MAPKBP1: variants seen among roughly 807,000 people sequenced by gnomAD.
The protein encoded by MAPKBP1 is mitogen-activated protein kinase binding protein 1, also known as mitogen-activated protein kinase-binding protein 1.
In MAPKBP1, 71 loss-of-function variants were observed where a neutral mutation model predicts 170.5. The observed-to-expected ratio is 0.42, with a 90% confidence interval of 0.34 to 0.51. The LOEUF (loss-of-function observed/expected upper bound fraction) is 0.51, where lower values mean the gene tolerates loss of function less well. Ranked by LOEUF, MAPKBP1 falls within the 20% of genes least tolerant of loss-of-function variation. MAPKBP1 has a pLI of 0.06. For missense variants in MAPKBP1, 1,598 were observed against 1,933.0 expected (o/e 0.83, Z 3.25); for synonymous variants, 719 against 757.9 (o/e 0.95, Z 0.84).
In MAPKBP1 at chr15:41,823,879, G is replaced by C. The variant is rs201866696; in HGVS notation, c.4031G>C (p.Gly1344Ala). Residue 1344 changes from glycine (G) to alanine (A), a missense_variant, in exon 29 of 31, where the codon GGC becomes GCC. Physicochemically the swap from Gly to Ala is moderately conservative, Grantham distance 60. Transcript: ENST00000457542. ...GAGAGATGGGCCTGTTTGGGGGAGG[G>C]CACCACTCCCAAGCCTAGGACAGAG... ...TTERWACLGE[G>A]TTPKPRTECQ... 1.1e-5 allele frequency: 18 copies of C among 1,614,168 alleles called. No homozygotes were observed. The Admixed American group carries it at 3.0e-4, about 27-fold the overall frequency.
intron 2 of MAPKBP1, among the ~76,000 whole-genome samples, chr15:41,786,637 T>C (rs990787143): frequency 1.8e-4 from 27 of 149,662 alleles, no homozygotes; most frequent in Non-Finnish European, 3.3e-4. Context: ...TGGTGGCGGG[T>C]GCCCGTAGTC....
Position 41,812,649 on chromosome 15 carries a change from C to A in MAPKBP1, c.632C>A (p.Ser211Ter). Residue 211 changes from serine (S) to a stop codon, truncating the protein, a stop_gained, in exon 7 of 31, where the codon TCA becomes TAA. Coordinates refer to ENST00000457542, the MANE Select transcript of MAPKBP1 (RefSeq NM_014994.3). LOFTEE classifies it high-confidence loss of function. ...KFWYLDDSKTSKVNATVPLLG... is the reference protein window; with the variant it reads ...KFWYLDDSKT The stretch of plus-strand genomic sequence containing the variant: ...TGGTATCTCGATGACAGCAAGACCT[C>A]AAAGGTGAGGTGCTGAAGCTGGGAG... 1 of 1,600,036 alleles carries A rather than the reference C, an allele frequency of 6.2e-7. No homozygotes were observed. The highest frequency in any genetic ancestry group is 8.5e-7 in the Non-Finnish European group (1 of 1,171,918).
At chr15:41,801,019 G>GCCA (rs1462469861) in intron 3 of MAPKBP1, among the ~76,000 whole-genome samples, 7 of 152,216 alleles carry the variant, frequency 4.6e-5, no homozygotes, top group African/African-American at 1.7e-4. Flanking sequence ...ACAGGCGTGA[G>GCCA]CCACCACGCC....
At chr15:41,795,163 C>CAAAAAAAAAAAAAA (rs57214059) in intron 2 of MAPKBP1, among the ~76,000 whole-genome samples, 1 of 113,216 alleles carries the variant, frequency 8.8e-6, no homozygotes, top group African/African-American at 3.4e-5. Flanking sequence ...AACCCTGTCT[C>CAAAAAAAAAAAAAA]AAAAAAAAAA....
intron 2 of MAPKBP1, among the ~76,000 whole-genome samples, chr15:41,784,583 A>T (rs2064248814): frequency 6.6e-6 from 1 of 151,980 alleles, no homozygotes; most frequent in Non-Finnish European, 1.5e-5. Flanking sequence ...AGAGATCTAG[A>T]CCATCCTGGC....
Position 41,812,133 on chromosome 15 carries a change from T to TG in MAPKBP1, c.498+8dup. On this transcript the variant is annotated splice_region_variant and intron_variant, in intron 6 of 30. Transcript: ENST00000457542. ...TCAACGTGTGGGCCTGGAAGGTGAG[T>TG]GGCTGGGTGGGGTGGCCTGGCAGCC... 6.2e-7 allele frequency: 1 copy of TG among 1,613,744 alleles called. No individual in the cohort carries two copies. Among genetic ancestry groups the TG allele is most frequent in the Non-Finnish European group, 8.5e-7 (1 of 1,179,902 alleles).
At chr15:41,799,340 G>T (rs1379054329) in intron 2 of MAPKBP1, among the ~76,000 whole-genome samples, 1 of 152,118 alleles carries the variant, frequency 6.6e-6, no homozygotes, top group South Asian at 2.1e-4. Flanking sequence ...AGAATGCAAA[G>T]GTCAGGGATA....
chr15:41,817,649 C>A lies in MAPKBP1; in HGVS notation c.1818C>A (p.His606Gln). Residue 606 changes from histidine (H) to glutamine (Q), a missense_variant, in exon 16 of 31, where the codon CAC becomes CAA. Around this residue, in one of 6 missense-constraint regions of MAPKBP1, gnomAD observed 430 missense variants for 617.2 expected, o/e 0.70. Coordinates refer to ENST00000457542, the MANE Select transcript of MAPKBP1 (RefSeq NM_014994.3). This position sits in a 1 kb window ranked among gnomAD's most constrained non-coding sequence, Gnocchi z 4.2. The stretch of plus-strand genomic sequence containing the variant: ...GAGTGCAGTTCACACGGACACACCA[C>A]GTGGTGCGGAAGACGACCCTCTATG... ...GDGVQFTRTH[H>Q]VVRKTTLYDM... 6.2e-7 allele frequency: 1 copy of A among 1,614,220 alleles called. No individual in the cohort carries two copies. The highest frequency in any genetic ancestry group is 8.5e-7 in the Non-Finnish European group (1 of 1,180,040).
chr15:41,795,893 G>A (rs2064479875), intron 2 of MAPKBP1, among the ~76,000 whole-genome samples: 2 of 152,216 alleles, frequency 1.3e-5, no homozygotes, highest in South Asian at 4.1e-4. Flanking sequence ...ACAGGCGTGA[G>A]CCACCACACC....
At position 41,827,388 on chromosome 15, in the gene MAPKBP1, C is replaced by T. The variant is rs1596106644; in HGVS notation, c.*1952C>T. ...TTGAGCTGCTCCAAACCTGGCCCTT[C>T]CCCACTCCTCTAGCATCGCCACCCG... is the stretch of plus-strand genomic sequence containing the variant. On this transcript the variant is annotated 3_prime_UTR_variant, in exon 31 of 31. Coordinates refer to ENST00000457542, the MANE Select transcript of MAPKBP1 (RefSeq NM_014994.3). The T allele has an allele frequency of 2.6e-5, 4 of 152,470 alleles. No individual in the cohort carries two copies. Among genetic ancestry groups the T allele is most frequent in the African/African-American group, 9.6e-5 (4 of 41,600 alleles). 9.4% of individuals were successfully genotyped at this position (152,470 alleles called of 1,614,324 possible).
At chr15:41,775,844 T>C (rs183778238) in intron 2 of MAPKBP1, among the ~76,000 whole-genome samples, 1 of 152,378 alleles carries the variant, frequency 6.6e-6, no homozygotes, top group East Asian at 1.9e-4. Context: ...AGTTACTGGC[T>C]TGGTAATTGC....
chr15:41,821,209 G>A (rs945297299), intron 23 of MAPKBP1, 141 bp downstream of exon 23: 2 of 809,600 alleles, frequency 2.5e-6, no homozygotes, highest in Non-Finnish European at 4.0e-6. Context: ...GCAAAGCCAG[G>A]ATGGGGGTGG....
chr15:41,824,198 C>A, intron 29 of MAPKBP1, 137 bp downstream of exon 29: 1 of 1,216,556 alleles, frequency 8.2e-7, no homozygotes, highest in Non-Finnish European at 1.1e-6. Context: ...GTCGCAGGTC[C>A]GTAAGTCACA....
At chr15:41,814,860 T>G in intron 10 of MAPKBP1, 121 bp downstream of exon 10, 1 of 1,244,156 alleles carries the variant, frequency 8.0e-7, no homozygotes, top group Non-Finnish European at 1.1e-6. Context: ...GTTTCTCCAG[T>G]GACTTCCCTG....
intron 22 of MAPKBP1, among the ~76,000 whole-genome samples, chr15:41,820,433 C>G (rs2064976037): frequency 6.6e-6 from 1 of 152,060 alleles, no homozygotes; most frequent in Non-Finnish European, 1.5e-5. Context: ...TTGGGGGACT[C>G]TTGGTAGTAA....
chr15:41,818,097 AG>A lies in MAPKBP1; in HGVS notation c.1980+18del. On this transcript the variant is annotated intron_variant, in intron 17 of 30. Coordinates refer to ENST00000457542, the MANE Select transcript of MAPKBP1 (RefSeq NM_014994.3). This position sits in a 1 kb window ranked among gnomAD's most constrained non-coding sequence, Gnocchi z 5.2. ...CACACTCATTAAGGTAAGGACCCAG[AG>A]GGGGTACTGGACAGGGGCTCGGGGA... 2 of 1,613,862 alleles carry A rather than the reference AG, an allele frequency of 1.2e-6. No individual in the cohort carries two copies. Among genetic ancestry groups the A allele is most frequent in the Non-Finnish European group, 1.7e-6 (2 of 1,179,778 alleles).
intron 2 of MAPKBP1, among the ~76,000 whole-genome samples, chr15:41,789,313 C>T (rs981490056): frequency 2.3e-4 from 35 of 151,624 alleles, no homozygotes; most frequent in African/African-American, 7.8e-4. Context: ...ACTACAACTC[C>T]ACCCCCACCC....
rs1222141017 is a variant in MAPKBP1, at chr15:41,817,125, G to C, written c.1711+90G>C. On this transcript the variant is annotated intron_variant, in intron 14 of 30. Transcript: ENST00000457542. This position sits in a 1 kb window ranked among gnomAD's most constrained non-coding sequence, Gnocchi z 4.2. ...TCCATGAGAAGGGTCTGCCCATTGT[G>C]GGGGAGTGTTGGACAGCAGCTGGGA... is the stretch of plus-strand genomic sequence containing the variant. The C allele has an allele frequency of 1.2e-5, 18 of 1,518,186 alleles. No homozygotes were observed. In the East Asian group the frequency reaches 1.4e-4, roughly 11 times the overall value. The allele number at this position is 1,518,186 out of a possible 1,614,324, so 94.0% of individuals were successfully genotyped here.
chr15:41,781,965 C>G (rs116268296), intron 2 of MAPKBP1, among the ~76,000 whole-genome samples: 2,027 of 151,860 alleles, frequency 0.013, 47 homozygotes, highest in African/African-American at 0.046. Flanking sequence ...TTATGAAATA[C>G]AGGCCGGGCG....
Sources: allele counts gnomAD v4.1 joint callset (sites outside exome capture counted in the v4.1 genomes callset), GRCh38; gene constraint gnomAD v4.1.1; regional missense constraint gnomAD v4.1.1; non-coding constraint Gnocchi (gnomAD v3.1); transcripts MANE v1.5; gene names NCBI Gene and HGNC (gene_info 2026-07-23, HGNC 2026-07-21).